The following RAB11FIP4 variants were observed in gnomAD, a reference collection of about 807,000 sequenced individuals.
RAB11FIP4 encodes rab11 family-interacting protein 4.
RAB11FIP4 carries 23 observed loss-of-function variants against 74.3 expected under a neutral mutation model. The observed-to-expected ratio is 0.31, with a 90% CI of 0.22 to 0.44. RAB11FIP4 has a LOEUF of 0.44. RAB11FIP4 is among the 20% of genes least tolerant of loss of function. The pLI is 1.00. For missense variants in RAB11FIP4, 630 were observed against 863.9 expected, an observed-to-expected ratio of 0.73 and a Z score of 3.39; for synonymous variants, 360 against 359.9, an observed-to-expected ratio of 1.00 and a Z score of 0.00.
chr17:31,396,222 G>A (rs898646375), intron 1 of RAB11FIP4, among the ~76,000 whole-genome samples: 1 of 129,276 alleles, frequency 7.7e-6, no homozygotes, highest in East Asian at 2.1e-4. Context: ...AGAAAAGAAA[G>A]AAATGCAGAT....
rs1453012097 is a variant in RAB11FIP4, at chr17:31,407,408, GTTGTT to G, written c.159+15406_159+15410del. Among the ~76,000 whole-genome samples the G allele has an allele frequency of 2.0e-5, 3 of 152,166 alleles. No homozygotes were observed. In the East Asian group the frequency reaches 5.8e-4, roughly 29 times the overall value. On this transcript the variant is annotated intron_variant, in intron 1 of 14. Coordinates refer to ENST00000621161, the MANE Select transcript of RAB11FIP4 (RefSeq NM_032932.6). ...CCATCTATCATCTAACTCCATTTCTGTTGTTTTGTTTTGCTTGAACCATTTTCAGT... is the reference window on the plus strand; with the variant it reads ...CCATCTATCATCTAACTCCATTTCTGTTGTTTTGCTTGAACCATTTTCAGT...
chr17:31,457,006 G>A (rs1265657351), intron 3 of RAB11FIP4, among the ~76,000 whole-genome samples: 1 of 152,126 alleles, frequency 6.6e-6, no homozygotes, highest in African/African-American at 2.4e-5. Flanking sequence ...GTGCGGGGAG[G>A]TAGGTTGAAA....
At chr17:31,402,984 T>C (rs1011908897) in intron 1 of RAB11FIP4, among the ~76,000 whole-genome samples, 9 of 152,066 alleles carry the variant, frequency 5.9e-5, no homozygotes, top group Admixed American at 3.9e-4. Flanking sequence ...ATCTGTAAAA[T>C]AGAGGTCATA....
chr17:31,514,015 A>G (rs1243606271), intron 3 of RAB11FIP4, among the ~76,000 whole-genome samples: 1 of 152,246 alleles, frequency 6.6e-6, no homozygotes, highest in Non-Finnish European at 1.5e-5. Flanking sequence ...TGTGTGAGAC[A>G]GGCGAGGAGC....
chr17:31,478,138 G>GACC (rs967315774), intron 3 of RAB11FIP4, among the ~76,000 whole-genome samples: 1 of 151,476 alleles, frequency 6.6e-6, no homozygotes, highest in African/African-American at 2.4e-5. Context: ...GATTATAGGC[G>GACC]ACCACCACCA....
At chr17:31,467,908 G>C (rs190708551) in intron 3 of RAB11FIP4, among the ~76,000 whole-genome samples, 1 of 152,218 alleles carries the variant, frequency 6.6e-6, no homozygotes, top group Non-Finnish European at 1.5e-5. Flanking sequence ...CAAGTGGAAG[G>C]CCTGCCCTTG....
intron 3 of RAB11FIP4, chr17:31,465,763 T>A (rs1480835813): frequency 1.3e-5 from 2 of 151,824 alleles, no homozygotes; most frequent in African/African-American, 4.8e-5. Context: ...CCCGTGTTGA[T>A]CAGTGGTGGG....
intron 9 of RAB11FIP4, 61 bp downstream of exon 9, chr17:31,524,057 T>C: frequency 1.6e-6 from 2 of 1,250,212 alleles, no homozygotes; most frequent in South Asian, 2.5e-5. Context: ...GGGGGGTCCA[T>C]CTTGCTAAGA....
chr17:31,505,667 AATACATAATTATTATAATAT>A (rs757112693), intron 3 of RAB11FIP4, among the ~76,000 whole-genome samples: 156 of 77,204 alleles, frequency 2.0e-3, no homozygotes, highest in Non-Finnish European at 3.3e-3. Context: ...ATAATTATAT[AATACATAATTATTATAATAT>A]ATAATAATTA....
intron 3 of RAB11FIP4, among the ~76,000 whole-genome samples, chr17:31,502,731 G>A (rs1438132568): frequency 1.3e-5 from 2 of 152,160 alleles, no homozygotes; most frequent in Non-Finnish European, 2.9e-5. Context: ...TTGGTATATT[G>A]GTCTATTGGT....
At chr17:31,417,388 C>T (rs913116121) in intron 1 of RAB11FIP4, among the ~76,000 whole-genome samples, 5 of 152,176 alleles carry the variant, frequency 3.3e-5, no homozygotes, top group Non-Finnish European at 7.3e-5. Context: ...GGTGCCCAGA[C>T]CTGCCACTGT....
intron 8 of RAB11FIP4, 65 bp from the exon 9 acceptor site, chr17:31,523,828 C>T (rs768710549): frequency 2.7e-5 from 34 of 1,255,458 alleles, no homozygotes; most frequent in South Asian, 3.7e-5. Flanking sequence ...AACCTCATGG[C>T]GTCGAGGTTC....
At position 31,533,307 on chromosome 17, in the gene RAB11FIP4, G is replaced by A. The variant is rs1006077831; in HGVS notation, c.*1575G>A. On this transcript the variant is annotated 3_prime_UTR_variant, in exon 15 of 15. Coordinates refer to ENST00000621161, the MANE Select transcript of RAB11FIP4 (RefSeq NM_032932.6). ...GGCTTCTTTTTAATCTTTTGTTGGG[G>A]ATTAGTTTCATGCTGCACATAATGG... 3 of 152,268 alleles carry A rather than the reference G, an allele frequency of 2.0e-5. No individual in the cohort carries two copies. The highest frequency in any genetic ancestry group is 7.2e-5 in the African/African-American group (3 of 41,434). 9.4% of individuals were successfully genotyped at this position (152,268 alleles called of 1,614,324 possible). A position where few individuals can be genotyped will look rare whatever the true frequency, so the allele number is the denominator to read the frequency against.
chr17:31,512,133 A>G lies in RAB11FIP4; in HGVS notation c.337-5518A>G, dbSNP rs1374275756. Reference sequence around the variant, plus strand: ...TCCTGGCTGCTCGTCTGTCCAGGACATTGCTGGCTGACCAGCCGGGGACCC... The same window carrying G: ...TCCTGGCTGCTCGTCTGTCCAGGACGTTGCTGGCTGACCAGCCGGGGACCC... On this transcript the variant is annotated intron_variant, in intron 3 of 14. Coordinates refer to ENST00000621161, the MANE Select transcript of RAB11FIP4 (RefSeq NM_032932.6). The surrounding 1 kb of genome is among the most constrained non-coding windows in gnomAD (Gnocchi z 4.1). Among the ~76,000 whole-genome samples, 1 of 152,104 alleles carries G rather than the reference A, an allele frequency of 6.6e-6. No individual in the cohort carries two copies. Among genetic ancestry groups the G allele is most frequent in the Non-Finnish European group, 1.5e-5 (1 of 68,016 alleles).
intron 3 of RAB11FIP4, among the ~76,000 whole-genome samples, chr17:31,513,417 C>T (rs1432645737): frequency 1.3e-5 from 2 of 152,196 alleles, no homozygotes; most frequent in African/African-American, 4.8e-5. Flanking sequence ...GAAGAGGCTG[C>T]GTTCTGGCAC....
chr17:31,515,758 G>A (rs1048729149), intron 3 of RAB11FIP4, among the ~76,000 whole-genome samples: 1 of 152,168 alleles, frequency 6.6e-6, no homozygotes, highest in Non-Finnish European at 1.5e-5. Context: ...AGGTAGAAGC[G>A]GTGCCACCTG....
chr17:31,517,589 T>A (rs1210221373), intron 3 of RAB11FIP4, 62 bp from the exon 4 acceptor site: 1 of 1,486,562 alleles, frequency 6.7e-7, no homozygotes, highest in Admixed American at 2.0e-5. Flanking sequence ...TGTGGTCTGA[T>A]TGGAACACTG....
rs1038820923 is a variant in RAB11FIP4, at chr17:31,538,144, G to C, written c.*6412G>C. The C allele has an allele frequency of 2.0e-5, 3 of 152,362 alleles. No homozygotes were observed. The highest frequency in any genetic ancestry group is 4.8e-5 in the African/African-American group (2 of 41,462). 9.4% of individuals were successfully genotyped at this position (152,362 alleles called of 1,614,324 possible). A position where few individuals can be genotyped will look rare whatever the true frequency, so the allele number is the denominator to read the frequency against. The stretch of plus-strand genomic sequence containing the variant: ...TCTGCCCCAAAAGGAACAGGCTGTT[G>C]GTGGCAGGCTCCTCCCGGGGAGCTG... On this transcript the variant is annotated 3_prime_UTR_variant, in exon 15 of 15. Coordinates refer to ENST00000621161, the MANE Select transcript of RAB11FIP4 (RefSeq NM_032932.6).
chr17:31,431,966 G>C, intron 2 of RAB11FIP4, 66 bp downstream of exon 2: 1 of 1,245,996 alleles, frequency 8.0e-7, no homozygotes, highest in Non-Finnish European at 1.2e-6. Context: ...AAGCTGGTGT[G>C]ACTGGGGGCC....
Sources: allele counts gnomAD v4.1 joint callset (sites outside exome capture counted in the v4.1 genomes callset), GRCh38; gene constraint gnomAD v4.1.1; non-coding constraint Gnocchi (gnomAD v3.1); transcripts MANE v1.5; gene names NCBI Gene and HGNC (gene_info 2026-07-23, HGNC 2026-07-21).